CHCHD3: variants seen among roughly 807,000 people sequenced by gnomAD.
CHCHD3 encodes coiled-coil-helix-coiled-coil-helix domain containing 3, also known as MICOS complex subunit MIC19.
In CHCHD3, 20 loss-of-function variants were observed where a neutral mutation model predicts 38.2. The observed-to-expected ratio is 0.52, with a 90% CI of 0.37 to 0.76. The LOEUF (loss-of-function observed/expected upper bound fraction) is 0.76, where lower values mean the gene tolerates loss of function less well. CHCHD3 is among the 30% of genes least tolerant of loss of function. The pLI, the probability that CHCHD3 is intolerant of heterozygous loss-of-function variation, is 0.00. For missense variants in CHCHD3, 245 were observed against 279.2 expected (o/e 0.88, Z 0.87); for synonymous variants, 82 against 100.0 (o/e 0.82, Z 1.07).
At chr7:133,081,462 G>C (rs1300827140) in intron 1 of CHCHD3, among the ~76,000 whole-genome samples, 1 of 152,162 alleles carries the variant, frequency 6.6e-6, no homozygotes, top group Non-Finnish European at 1.5e-5. Context: ...TTCACCCTGG[G>C]AGACAGGGTG....
intron 3 of CHCHD3, among the ~76,000 whole-genome samples, chr7:133,005,598 T>G (rs1812678485): frequency 6.6e-6 from 1 of 152,248 alleles, no homozygotes; most frequent in Non-Finnish European, 1.5e-5. Context: ...AGTTTTCATT[T>G]CAATCTACAA....
chr7:132,794,062 TGGGC>T (rs1204045286), intron 7 of CHCHD3, among the ~76,000 whole-genome samples: 3 of 152,192 alleles, frequency 2.0e-5, no homozygotes, highest in African/African-American at 7.2e-5. Flanking sequence ...GATCTTAAAA[TGGGC>T]CAGTGCCAAG....
chr7:133,012,130 C>A (rs543185245), intron 3 of CHCHD3, among the ~76,000 whole-genome samples: 29 of 152,104 alleles, frequency 1.9e-4, no homozygotes, highest in Non-Finnish European at 4.0e-4. Flanking sequence ...TTTTCTAAGG[C>A]AAACTATGTA....
chr7:133,037,647 T>C (rs1584663947), intron 2 of CHCHD3, among the ~76,000 whole-genome samples: 1 of 152,042 alleles, frequency 6.6e-6, no homozygotes, highest in Non-Finnish European at 1.5e-5. Context: ...ACCACACCTC[T>C]ACTAAAAGTA....
At chr7:133,052,064 C>G (rs1254871081) in intron 2 of CHCHD3, 1 of 152,190 alleles carries the variant, frequency 6.6e-6, no homozygotes, top group African/African-American at 2.4e-5. Flanking sequence ...CCAATTTAGT[C>G]TCTACTGATT....
chr7:132,976,513 A>G (rs28740850), intron 3 of CHCHD3, among the ~76,000 whole-genome samples: 1,571 of 152,330 alleles, frequency 0.01, 29 homozygotes, highest in African/African-American at 0.036. Flanking sequence ...TAATCACTGA[A>G]TCACTGAAGA....
chr7:132,989,084 T>C (rs1008373383), intron 3 of CHCHD3, among the ~76,000 whole-genome samples: 2 of 152,190 alleles, frequency 1.3e-5, no homozygotes, highest in African/African-American at 4.8e-5. Context: ...ATGCAAGTAC[T>C]ATACTATTTT....
At position 132,886,985 on chromosome 7, in the gene CHCHD3, T is replaced by G. The variant is rs755538479; in HGVS notation, c.370-1240A>C. 6.2e-6 allele frequency: 8 copies of G among 1,299,016 alleles called. 1 individual carries two copies. The highest frequency in any genetic ancestry group is 2.9e-6 in the Non-Finnish European group (3 of 1,019,796). 80.5% of individuals were successfully genotyped at this position (1,299,016 alleles called of 1,614,324 possible). A position where few individuals can be genotyped will look rare whatever the true frequency, so the allele number is the denominator to read the frequency against. On this transcript the variant is annotated intron_variant, in intron 4 of 7. Coordinates refer to ENST00000262570, the MANE Select transcript of CHCHD3 (RefSeq NM_017812.4). ...GTTTTGCTACTTACTTTGTCTTCAA[T>G]ATCCTGCAGCATGTTAAAAATAAAA...
chr7:132,933,053 T>C (rs547220820), intron 4 of CHCHD3, among the ~76,000 whole-genome samples: 1 of 152,214 alleles, frequency 6.6e-6, no homozygotes, highest in Non-Finnish European at 1.5e-5. Context: ...CAGATTCAGA[T>C]GGAAAACCGA....
At chr7:132,791,986 CTGTT>C (rs1398068009) in intron 7 of CHCHD3, among the ~76,000 whole-genome samples, 10 of 152,192 alleles carry the variant, frequency 6.6e-5, no homozygotes, top group Non-Finnish European at 1.2e-4. Context: ...GCTGAACTAA[CTGTT>C]TGCGTGGCTA....
At chr7:132,948,143 T>G (rs1410096030) in intron 4 of CHCHD3, among the ~76,000 whole-genome samples, 1 of 152,106 alleles carries the variant, frequency 6.6e-6, no homozygotes, top group Middle Eastern at 3.2e-3. Flanking sequence ...GATTTCCTTC[T>G]TTGCCTTCCA....
intron 2 of CHCHD3, among the ~76,000 whole-genome samples, chr7:133,027,784 T>G (rs892720858): frequency 5.3e-5 from 8 of 152,156 alleles, no homozygotes; most frequent in African/African-American, 1.9e-4. Context: ...AGGCAAGTAT[T>G]AGAGCTCTTT....
At chr7:132,877,895 G>A (rs776428684) in intron 5 of CHCHD3, among the ~76,000 whole-genome samples, 1 of 152,084 alleles carries the variant, frequency 6.6e-6, no homozygotes, top group Non-Finnish European at 1.5e-5. Context: ...CATCTACCAG[G>A]AAGTTACATT....
chr7:132,927,346 A>C (rs1470422302), intron 4 of CHCHD3, among the ~76,000 whole-genome samples: 2 of 152,252 alleles, frequency 1.3e-5, no homozygotes. Context: ...CTCTGCATGC[A>C]TTCCTAACTT....
intron 3 of CHCHD3, among the ~76,000 whole-genome samples, chr7:132,993,293 T>G (rs1187159660): frequency 6.6e-6 from 1 of 152,222 alleles, no homozygotes; most frequent in East Asian, 1.9e-4. Flanking sequence ...ACTCTTCCCT[T>G]TATCTCCTTC....
intron 4 of CHCHD3, among the ~76,000 whole-genome samples, chr7:132,915,135 T>C (rs150796363): frequency 1.4e-5 from 2 of 147,558 alleles, no homozygotes; most frequent in African/African-American, 5.1e-5. Context: ...CAGTACTCCA[T>C]CTCAAAAAAA....
intron 2 of CHCHD3, among the ~76,000 whole-genome samples, chr7:133,041,227 T>C (rs747161352): frequency 6.6e-6 from 1 of 152,224 alleles, no homozygotes; most frequent in Non-Finnish European, 1.5e-5. Flanking sequence ...GAGAATTATA[T>C]CACCTTCTGA....
Position 132,872,298 on chromosome 7 carries a change from A to G in CHCHD3, c.453+13364T>C, listed in dbSNP as rs114203230. ...ACTAAACCTAAATTTGCAGGAAGTT[A>G]TGCCCCAGGATTCCACAGGTACAAT... On this transcript the variant is annotated intron_variant, in intron 5 of 7. Coordinates refer to ENST00000262570, the MANE Select transcript of CHCHD3 (RefSeq NM_017812.4). 8.4e-3 allele frequency among the ~76,000 whole-genome samples: 1,272 copies of G among 152,314 alleles called. 23 individuals carry two copies. The highest frequency in any genetic ancestry group is 0.029 in the African/African-American group (1,207 of 41,574).
intron 4 of CHCHD3, among the ~76,000 whole-genome samples, chr7:132,960,577 C>T (rs941491750): frequency 1.3e-5 from 2 of 152,122 alleles, no homozygotes; most frequent in Admixed American, 1.3e-4. Context: ...TCTAATGATG[C>T]CACTGTCCAT....
Sources: gnomAD v4.1 joint callset for allele counts (sites outside exome capture counted in the v4.1 genomes callset) on GRCh38, gnomAD v4.1.1 for gene constraint, MANE v1.5 for transcripts, NCBI Gene and HGNC (gene_info 2026-07-23, HGNC 2026-07-21) for gene names.